Variants in SORCS1 observed in about 807,000 individuals in gnomAD.
SORCS1 encodes the protein sortilin related VPS10 domain containing receptor 1, also known as VPS10 domain-containing receptor SorCS1.
Under a neutral mutation model 146.1 loss-of-function variants are expected in SORCS1, and 60 were observed. That is an observed-to-expected ratio of 0.41 (90% CI 0.33 to 0.51). The LOEUF is 0.51. Among genes scored for constraint, SORCS1 ranks in the 20% least tolerant of loss-of-function variants. The pLI, the probability that SORCS1 is intolerant of heterozygous loss-of-function variation, is 0.21. For missense variants in SORCS1, 1,352 were observed against 1,487.6 expected (o/e 0.91, Z 1.50); for synonymous variants, 637 against 584.0 (o/e 1.09, Z -1.31).
intron 2 of SORCS1, among the ~76,000 whole-genome samples, chr10:106,919,910 T>C (rs1429002771): frequency 6.6e-6 from 1 of 152,202 alleles, no homozygotes; most frequent in East Asian, 1.9e-4. Context: ...TCATGCTAAA[T>C]ACGGCTTGAG....
intron 5 of SORCS1, among the ~76,000 whole-genome samples, chr10:106,741,268 G>A (rs1042638991): frequency 2.1e-5 from 3 of 142,070 alleles, no homozygotes; most frequent in African/African-American, 8.9e-5. Flanking sequence ...GCAAGACAGT[G>A]TTAACTAGGA....
chr10:106,738,425 T>G (rs1396087703), intron 5 of SORCS1, among the ~76,000 whole-genome samples: 2 of 152,186 alleles, frequency 1.3e-5, no homozygotes, highest in African/African-American at 4.8e-5. Flanking sequence ...CTTGAATACT[T>G]ATAAGTCAGA....
At chr10:107,003,733 C>G (rs562378576) in intron 1 of SORCS1, among the ~76,000 whole-genome samples, 1 of 152,174 alleles carries the variant, frequency 6.6e-6, no homozygotes, top group East Asian at 1.9e-4. Flanking sequence ...ATGAAGGCAT[C>G]TCACAGAGAA....
At chr10:106,680,758 T>G (rs2135562340) in intron 10 of SORCS1, among the ~76,000 whole-genome samples, 1 of 152,344 alleles carries the variant, frequency 6.6e-6, no homozygotes, top group South Asian at 2.1e-4. Context: ...CTTTCTAATC[T>G]TATCAACTTG....
intron 24 of SORCS1, among the ~76,000 whole-genome samples, chr10:106,580,771 C>T (rs1238914786): frequency 6.6e-6 from 1 of 152,312 alleles, no homozygotes; most frequent in East Asian, 1.9e-4. Context: ...TTCAGGATTA[C>T]ATCTCGGCCA....
At chr10:107,087,699 C>G (rs946402252) in intron 1 of SORCS1, among the ~76,000 whole-genome samples, 6 of 152,168 alleles carry the variant, frequency 3.9e-5, no homozygotes, top group African/African-American at 1.4e-4. Flanking sequence ...TAGGGAAGGT[C>G]ATGAGAAGTC....
At chr10:107,152,173 G>C (rs1251410885) in intron 1 of SORCS1, among the ~76,000 whole-genome samples, 1 of 152,188 alleles carries the variant, frequency 6.6e-6, no homozygotes, top group African/African-American at 2.4e-5. Flanking sequence ...CATGGTGTTA[G>C]CCCTGTGGGT....
At chr10:106,912,359 C>T (rs998076341) in intron 2 of SORCS1, among the ~76,000 whole-genome samples, 1 of 152,064 alleles carries the variant, frequency 6.6e-6, no homozygotes, top group African/African-American at 2.4e-5. Flanking sequence ...CCACCTGTAC[C>T]GCTTTTTTTT....
intron 3 of SORCS1, among the ~76,000 whole-genome samples, chr10:106,790,072 A>G (rs1266544908): frequency 1.3e-5 from 2 of 152,214 alleles, no homozygotes; most frequent in Non-Finnish European, 2.9e-5. Flanking sequence ...CTCTCCCTCA[A>G]CACCTAAGGA....
intron 20 of SORCS1, among the ~76,000 whole-genome samples, chr10:106,619,216 G>C (rs1847578170): frequency 6.6e-6 from 1 of 152,138 alleles, no homozygotes; most frequent in African/African-American, 2.4e-5. Flanking sequence ...AGTTTTCAGG[G>C]AAATGACATA....
intron 2 of SORCS1, among the ~76,000 whole-genome samples, chr10:106,878,096 T>C (rs1229500099): frequency 1.3e-5 from 2 of 152,018 alleles, no homozygotes; most frequent in Non-Finnish European, 2.9e-5. Context: ...GGTCATACCA[T>C]ACATGACTTC....
intron 1 of SORCS1, among the ~76,000 whole-genome samples, chr10:107,027,417 G>C (rs1958455036): frequency 6.6e-6 from 1 of 152,024 alleles, no homozygotes; most frequent in African/African-American, 2.4e-5. Flanking sequence ...ACATGACATT[G>C]GGATTAATCA....
At chr10:106,635,285 T>C (rs1437107727) in intron 18 of SORCS1, among the ~76,000 whole-genome samples, 1 of 152,222 alleles carries the variant, frequency 6.6e-6, no homozygotes, top group Non-Finnish European at 1.5e-5. Flanking sequence ...CAGGCTCGTA[T>C]ATCAGAACCT....
intron 2 of SORCS1, among the ~76,000 whole-genome samples, chr10:106,831,527 T>C (rs1052049921): frequency 2.6e-5 from 4 of 152,226 alleles, no homozygotes; most frequent in African/African-American, 7.2e-5. Flanking sequence ...ATTGTAATCA[T>C]CTTAATTAAT....
intron 1 of SORCS1, among the ~76,000 whole-genome samples, chr10:107,003,559 G>T (rs1957309640): frequency 6.6e-6 from 1 of 151,156 alleles, no homozygotes; most frequent in Non-Finnish European, 1.5e-5. Context: ...CAGAATATTG[G>T]ATCTAATGCA....
intron 1 of SORCS1, among the ~76,000 whole-genome samples, chr10:107,009,956 G>A (rs1589919841): frequency 6.6e-6 from 1 of 152,280 alleles, no homozygotes; most frequent in South Asian, 2.1e-4. Context: ...ATGGAAAGAA[G>A]ACTAGTAGAA....
chr10:106,913,010 A>G (rs1952238684), intron 2 of SORCS1, among the ~76,000 whole-genome samples: 1 of 151,944 alleles, frequency 6.6e-6, no homozygotes, highest in East Asian at 1.9e-4. Context: ...AAAGATTCAT[A>G]TAGAGTTCTG....
At chr10:107,111,056 A>T (rs1035943412) in intron 1 of SORCS1, among the ~76,000 whole-genome samples, 6 of 152,154 alleles carry the variant, frequency 3.9e-5, no homozygotes, top group African/African-American at 9.7e-5. Context: ...ATCAGCTCAG[A>T]GTCTCAACAT....
chr10:106,726,675 T>C (rs118150926), intron 6 of SORCS1, among the ~76,000 whole-genome samples: 2,664 of 152,132 alleles, frequency 0.018, 40 homozygotes, highest in Non-Finnish European at 0.025. Context: ...AAACTAGGGG[T>C]GCAATCATGG....
Sources: gnomAD v4.1 joint callset for allele counts (sites outside exome capture counted in the v4.1 genomes callset) on GRCh38, gnomAD v4.1.1 for gene constraint, MANE v1.5 for transcripts, NCBI Gene and HGNC (gene_info 2026-07-23, HGNC 2026-07-21) for gene names.